The following KLHL14 variants were observed in gnomAD, a reference collection of about 807,000 sequenced individuals.
KLHL14 encodes the protein kelch like family member 14, also known as kelch-like protein 14.
In KLHL14, 22 loss-of-function variants were observed where a neutral mutation model predicts 64.3. The observed-to-expected ratio is 0.34, with a 90% confidence interval of 0.24 to 0.49. The LOEUF (loss-of-function observed/expected upper bound fraction) is 0.49, where lower values mean the gene tolerates loss of function less well. KLHL14 is among the 20% of genes least tolerant of loss of function. The pLI, the probability that KLHL14 is intolerant of heterozygous loss-of-function variation, is 0.99. For missense variants in KLHL14, 661 were observed against 789.0 expected (o/e 0.84, Z 1.94); for synonymous variants, 322 against 333.4 (o/e 0.97, Z 0.37).
At chr18:32,717,535 C>A (rs1395966214) in intron 3 of KLHL14, among the ~76,000 whole-genome samples, 1 of 152,192 alleles carries the variant, frequency 6.6e-6, no homozygotes, top group Non-Finnish European at 1.5e-5. Flanking sequence ...GAACCCTATT[C>A]TATGCCAAGG....
intron 2 of KLHL14, chr18:32,742,969 T>A (rs2050206329): frequency 6.6e-6 from 1 of 152,292 alleles, no homozygotes; most frequent in Non-Finnish European, 1.5e-5. Context: ...CTGCAATGTC[T>A]CATATGCAGT....
At chr18:32,691,399 C>CT (rs773903355) in intron 4 of KLHL14, among the ~76,000 whole-genome samples, 3 of 152,206 alleles carry the variant, frequency 2.0e-5, no homozygotes, top group Non-Finnish European at 4.4e-5. Context: ...GCCAAAGAGT[C>CT]TGGGTGTGGT....
At chr18:32,720,073 C>T (rs1035960558) in intron 3 of KLHL14, among the ~76,000 whole-genome samples, 2 of 152,186 alleles carry the variant, frequency 1.3e-5, no homozygotes, top group African/African-American at 4.8e-5. Flanking sequence ...ACATTCCATA[C>T]CAAAGAAGAG....
intron 3 of KLHL14, chr18:32,734,172 T>A (rs549320154): frequency 1.1e-5 from 8 of 702,914 alleles, no homozygotes; most frequent in South Asian, 1.0e-4. Flanking sequence ...TTGAAAATTC[T>A]CTGGTTTTCC....
At chr18:32,732,148 C>G (rs1462780471) in intron 3 of KLHL14, among the ~76,000 whole-genome samples, 2 of 152,076 alleles carry the variant, frequency 1.3e-5, no homozygotes, top group African/African-American at 2.4e-5. Flanking sequence ...TGCTTGAACC[C>G]GGGAGGTGGA....
intron 4 of KLHL14, among the ~76,000 whole-genome samples, chr18:32,693,415 G>C (rs2021552): frequency 0.33 from 25,823 of 78,374 alleles, 2,869 homozygotes; most frequent in East Asian, 0.5. Flanking sequence ...CACACACACA[G>C]AGAGAGAGAG....
At chr18:32,725,785 G>A (rs182801123) in intron 3 of KLHL14, among the ~76,000 whole-genome samples, 378 of 152,364 alleles carry the variant, frequency 2.5e-3, no homozygotes, top group Non-Finnish European at 4.1e-3. Flanking sequence ...CTGAGAGTCA[G>A]TACAGCTTGT....
At chr18:32,734,950 C>T (rs1322167082) in intron 3 of KLHL14, among the ~76,000 whole-genome samples, 1 of 152,138 alleles carries the variant, frequency 6.6e-6, no homozygotes, top group Non-Finnish European at 1.5e-5. Context: ...TTCCAAGACA[C>T]AGTTAAAATG....
chr18:32,765,677 A>G (rs2050338976), intron 2 of KLHL14, among the ~76,000 whole-genome samples: 1 of 152,204 alleles, frequency 6.6e-6, no homozygotes, highest in Admixed American at 6.5e-5. Context: ...AAAGAGAACC[A>G]ACAGAAAATA....
intron 5 of KLHL14, among the ~76,000 whole-genome samples, chr18:32,686,938 T>C (rs1301282354): frequency 2.6e-5 from 4 of 152,022 alleles, no homozygotes; most frequent in Non-Finnish European, 5.9e-5. Context: ...AAGCCACACA[T>C]TTTTTTTCTT....
chr18:32,674,825 G>C (rs367972469), intron 8 of KLHL14, 28 bp from the exon 9 acceptor site: 2 of 775,492 alleles, frequency 2.6e-6, no homozygotes, highest in African/African-American at 3.4e-5. Context: ...GGAGCATTTA[G>C]AGAAGGAAGC....
rs142316675 is a variant in KLHL14 at position 32,683,872 on chromosome 18, G to A, written c.1239-3273C>T. Among the ~76,000 whole-genome samples, 691 of 152,238 alleles carry A rather than the reference G, an allele frequency of 4.5e-3. 6 individuals carry two copies. Among genetic ancestry groups the A allele is most frequent in the African/African-American group, 0.015 (633 of 41,540 alleles). On this transcript the variant is annotated intron_variant, in intron 5 of 8. Coordinates refer to ENST00000359358, the MANE Select transcript of KLHL14 (RefSeq NM_020805.3). The surrounding 1 kb of genome is among the most constrained non-coding windows in gnomAD (Gnocchi z 4.2). ...TGGATTAAAAACAATGGATATGTTA[G>A]AAAGAATATTGTCTCCCATTGTTTC... is the stretch of plus-strand genomic sequence containing the variant.
chr18:32,758,410 AT>A (rs772055929), intron 2 of KLHL14, among the ~76,000 whole-genome samples: 17 of 152,246 alleles, frequency 1.1e-4, no homozygotes, highest in Non-Finnish European at 2.4e-4. Flanking sequence ...GATGGTTATA[AT>A]GAAAAAGACA....
intron 3 of KLHL14, among the ~76,000 whole-genome samples, chr18:32,708,946 C>A (rs2050004803): frequency 6.6e-6 from 1 of 152,178 alleles, no homozygotes; most frequent in Non-Finnish European, 1.5e-5. Flanking sequence ...CCCCTATATT[C>A]CATAGACCTT....
At chr18:32,755,599 T>C (rs942884667) in intron 2 of KLHL14, among the ~76,000 whole-genome samples, 2 of 152,228 alleles carry the variant, frequency 1.3e-5, no homozygotes, top group Non-Finnish European at 2.9e-5. Context: ...CTATCTTTTA[T>C]AGACATGTAG....
At chr18:32,719,018 G>A (rs540334027) in intron 3 of KLHL14, among the ~76,000 whole-genome samples, 12 of 152,048 alleles carry the variant, frequency 7.9e-5, no homozygotes, top group Admixed American at 7.2e-4. Context: ...GCACAATCTT[G>A]GCTCACCACA....
chr18:32,743,459 G>A (rs2050209330), intron 2 of KLHL14: 1 of 152,230 alleles, frequency 6.6e-6, no homozygotes. Flanking sequence ...GCCATTGAAT[G>A]CATTATTATG....
chr18:32,718,661 A>T (rs761844692), intron 3 of KLHL14, among the ~76,000 whole-genome samples: 5 of 152,238 alleles, frequency 3.3e-5, no homozygotes, highest in Admixed American at 6.5e-5. Context: ...TTGGTGTCAT[A>T]TATTGTAATT....
chr18:32,758,309 A>C (rs1218405476), intron 2 of KLHL14, among the ~76,000 whole-genome samples: 1 of 152,302 alleles, frequency 6.6e-6, no homozygotes, highest in East Asian at 1.9e-4. Context: ...ATAGATATGC[A>C]AGTGGCCAAT....
Sources: allele counts gnomAD v4.1 joint callset (sites outside exome capture counted in the v4.1 genomes callset), GRCh38; gene constraint gnomAD v4.1.1; non-coding constraint Gnocchi (gnomAD v3.1); transcripts MANE v1.5; gene names NCBI Gene and HGNC (gene_info 2026-07-23, HGNC 2026-07-21).